POPDC1: variants seen among roughly 807,000 people sequenced by gnomAD.
The protein encoded by POPDC1 is popeye domain cAMP effector 1, also known as popeye domain-containing protein 1.
At chr6:105,099,646 G>C in the POPDC1 span, 1 of 152,258 alleles carries the variant, frequency 6.6e-6, no homozygotes, top group African/African-American at 2.4e-5. Context: ...GTAGGAAAAA[G>C]AGCTCTGGAA....
At chr6:105,134,120 C>T in the POPDC1 span, among the ~76,000 whole-genome samples, 1 of 152,052 alleles carries the variant, frequency 6.6e-6, no homozygotes, top group African/African-American at 2.4e-5. Flanking sequence ...TTTTATACCA[C>T]CATTAAATCA....
chr6:105,117,793 A>C, the POPDC1 span, among the ~76,000 whole-genome samples: 1 of 152,230 alleles, frequency 6.6e-6, no homozygotes, highest in Non-Finnish European at 1.5e-5. Flanking sequence ...TGAATGCCTG[A>C]CTTCCAACAT....
chr6:105,114,570 T>C, the POPDC1 span, among the ~76,000 whole-genome samples: 1 of 152,266 alleles, frequency 6.6e-6, no homozygotes, highest in Admixed American at 6.5e-5. Context: ...ATTGGAAATA[T>C]GAATAGTTTT....
At chr6:105,101,806 A>C in the POPDC1 span, among the ~76,000 whole-genome samples, 14 of 152,172 alleles carry the variant, frequency 9.2e-5, no homozygotes, top group African/African-American at 3.4e-4. Context: ...CAGCAGGAGA[A>C]AAGGCAACCC....
chr6:105,124,701 C>T, the POPDC1 span: 26 of 1,296,636 alleles, frequency 2.0e-5, no homozygotes, highest in Non-Finnish European at 2.6e-5. Context: ...TTCACAAATA[C>T]CATGATAATC....
At chr6:105,106,714 A>G in the POPDC1 span, among the ~76,000 whole-genome samples, 7 of 152,272 alleles carry the variant, frequency 4.6e-5, no homozygotes, top group South Asian at 6.2e-4. Flanking sequence ...ATTGACCTCC[A>G]TGGAGGGCGG....
chr6:105,101,092 A>G, the POPDC1 span: 1 of 1,609,646 alleles, frequency 6.2e-7, no homozygotes, highest in South Asian at 1.1e-5. Flanking sequence ...TCTCTGATCA[A>G]GGCAGCTGAT....
chr6:105,115,429 A>G, the POPDC1 span, among the ~76,000 whole-genome samples: 13 of 152,214 alleles, frequency 8.5e-5, no homozygotes, highest in African/African-American at 3.1e-4. Context: ...GTGAGCCACT[A>G]TTTAAGCAAA....
the POPDC1 span, among the ~76,000 whole-genome samples, chr6:105,106,575 C>T: frequency 6.6e-6 from 1 of 152,352 alleles, no homozygotes; most frequent in African/African-American, 2.4e-5. Context: ...ATACGGCCAG[C>T]AGAGTCTCTC....
chr6:105,106,415 G>T, the POPDC1 span, among the ~76,000 whole-genome samples: 3 of 152,336 alleles, frequency 2.0e-5, no homozygotes, highest in South Asian at 4.1e-4. Flanking sequence ...GCCGTGCTGA[G>T]GGTGAGAAAG....
the POPDC1 span, among the ~76,000 whole-genome samples, chr6:105,128,658 TC>T: frequency 1.3e-5 from 2 of 152,230 alleles, no homozygotes; most frequent in South Asian, 4.1e-4. Context: ...TCTGCATCAT[TC>T]AAATTAGAAT....
At chr6:105,132,613 G>A in the POPDC1 span, among the ~76,000 whole-genome samples, 1 of 152,116 alleles carries the variant, frequency 6.6e-6, no homozygotes, top group African/African-American at 2.4e-5. Flanking sequence ...CACATCACAG[G>A]TGCTAAAAAA....
At chr6:105,116,589 AGTACATTTAACATATG>A in the POPDC1 span, 1 of 793,744 alleles carries the variant, frequency 1.3e-6, no homozygotes. Flanking sequence ...AAGTATCCCC[AGTACATTTAACATATG>A]GCTAGTTACT....
the POPDC1 span, chr6:105,136,708 C>A: frequency 6.6e-6 from 1 of 152,222 alleles, no homozygotes; most frequent in South Asian, 2.1e-4. Context: ...GTCTCTGTGG[C>A]CGCAGCGCCC....
the POPDC1 span, among the ~76,000 whole-genome samples, chr6:105,101,743 G>C: frequency 6.6e-6 from 1 of 152,140 alleles, no homozygotes; most frequent in South Asian, 2.1e-4. Flanking sequence ...GAGGAAGAAA[G>C]GCCAGGCATT....
chr6:105,113,785 T>C, the POPDC1 span, among the ~76,000 whole-genome samples: 1,032 of 149,534 alleles, frequency 6.9e-3, 12 homozygotes, highest in Non-Finnish European at 0.013. Context: ...ATTGAGTAGC[T>C]AGAACTACAG....
the POPDC1 span, among the ~76,000 whole-genome samples, chr6:105,108,446 T>A: frequency 6.6e-6 from 1 of 152,040 alleles, no homozygotes; most frequent in Admixed American, 6.5e-5. Flanking sequence ...ATAAGCAGTA[T>A]GAAAAGGCAG....
the POPDC1 span, among the ~76,000 whole-genome samples, chr6:105,126,087 G>A: frequency 3.3e-5 from 5 of 151,930 alleles, no homozygotes; most frequent in East Asian, 1.9e-4. Context: ...TTAGCTGGGC[G>A]TGGTGGCATG....
chr6:105,104,939 TCAC>T, the POPDC1 span, among the ~76,000 whole-genome samples: 4 of 152,176 alleles, frequency 2.6e-5, no homozygotes, highest in Non-Finnish European at 5.9e-5. Flanking sequence ...CAATTCACCC[TCAC>T]CACATCTGTA....
Sources: gnomAD v4.1 joint callset for allele counts (sites outside exome capture counted in the v4.1 genomes callset) on GRCh38, gnomAD v4.1.1 for gene constraint, MANE v1.5 for transcripts, NCBI Gene and HGNC (gene_info 2026-07-23, HGNC 2026-07-21) for gene names.